C22orf39: variants seen among roughly 807,000 people sequenced by gnomAD.
The protein encoded by C22orf39 is chromosome 22 open reading frame 39.
In C22orf39, 20 loss-of-function variants were observed where a neutral mutation model predicts 18.3. The ratio of observed to expected loss-of-function variants is 1.09; its 90% CI spans 0.77 to 1.59. C22orf39 has a LOEUF of 1.59. C22orf39 is among the 40% of genes most tolerant of loss of function. The pLI, the probability that C22orf39 is intolerant of heterozygous loss-of-function variation, is 0.00. For missense variants in C22orf39, 195 were observed against 156.1 expected (o/e 1.25, Z -1.33); for synonymous variants, 63 against 59.6 (o/e 1.06, Z -0.26).
Position 19,447,521 on chromosome 22 carries a change from G to A in C22orf39, c.49C>T (p.Arg17Cys), listed in dbSNP as rs754962977. 2.0e-6 allele frequency: 3 copies of A among 1,479,108 alleles called. No homozygotes were observed. The African/African-American group carries it at 4.4e-5, about 22-fold the overall frequency. The allele number at this position is 1,479,108 out of a possible 1,614,324, so 91.6% of individuals were successfully genotyped here. Residue 17 changes from arginine (R) to cysteine (C), a missense_variant, in exon 2 of 3, where the codon CGC (arginine) becomes TGC (cysteine). Arg to Cys is a radical substitution (Grantham distance 180, BLOSUM62 -3). Coordinates refer to ENST00000399562, the MANE Select transcript of C22orf39 (RefSeq NM_173793.5). ...CTGCGGCAGAGCTTCCACTCGGCGCGGTAGGCCTCGCAGGGGCGCGGCGGC... is the reference window on the plus strand; with the variant it reads ...CTGCGGCAGAGCTTCCACTCGGCGCAGTAGGCCTCGCAGGGGCGCGGCGGC... ...WQPPRPCEAY[R>C]AEWKLCRSAR...
At position 19,447,654 on chromosome 22, in the gene C22orf39, A is replaced by C. The variant is rs765061360; in HGVS notation, c.24+11T>G. The C allele has an allele frequency of 2.2e-5, 35 of 1,610,242 alleles. No homozygotes were observed. The highest frequency in any genetic ancestry group is 2.7e-5 in the Non-Finnish European group (32 of 1,178,732). ...CCCCGGTGGTTCCCGGCTCCGACCC[A>C]GCACACTCACCTGCCAGCCGCTGCC... On this transcript the variant is annotated intron_variant, in intron 1 of 2. Coordinates refer to ENST00000399562, the MANE Select transcript of C22orf39 (RefSeq NM_173793.5).
chr22:19,447,702 G>C lies in C22orf39; in HGVS notation c.-14C>G, dbSNP rs200643338. ...GCCGTCCGCCATGTCTGGGCGACCG[G>C]CGCGCCAAGCCCGCCCCTCAGTCCG... On this transcript the variant is annotated 5_prime_UTR_variant, in exon 1 of 3. Coordinates refer to ENST00000399562, the MANE Select transcript of C22orf39 (RefSeq NM_173793.5). 2.5e-4 allele frequency: 403 copies of C among 1,606,976 alleles called. 3 individuals are homozygous for C. Among genetic ancestry groups the C allele is most frequent in the Non-Finnish European group, 6.7e-5 (79 of 1,177,504 alleles).
intron 2 of C22orf39, 71 bp downstream of exon 2, chr22:19,447,307 G>A: frequency 1.5e-6 from 2 of 1,368,990 alleles, no homozygotes; most frequent in Non-Finnish European, 1.9e-6. Flanking sequence ...GGGGCATGGG[G>A]CGTGGAGGGG....
At chr22:19,445,568 C>A (rs1254295142) in intron 2 of C22orf39, among the ~76,000 whole-genome samples, 1 of 152,076 alleles carries the variant, frequency 6.6e-6, no homozygotes, top group Non-Finnish European at 1.5e-5. Context: ...CACCTGACAC[C>A]CCCACCAACA....
chr22:19,443,105 C>T lies in C22orf39; in HGVS notation c.*1160G>A. 1 of 541,802 alleles carries T rather than the reference C, an allele frequency of 1.8e-6. No homozygotes were observed. The highest frequency in any genetic ancestry group is 2.4e-6 in the Non-Finnish European group (1 of 424,748). 33.6% of individuals were successfully genotyped at this position (541,802 alleles called of 1,614,324 possible). ...CCCCCACCCCCACCCCCACTGTTCA[C>T]AGACACAGGGGCTCTTAGGGAGCAC... is the stretch of plus-strand genomic sequence containing the variant. On this transcript the variant is annotated 3_prime_UTR_variant, in exon 3 of 3. Coordinates refer to ENST00000399562, the MANE Select transcript of C22orf39 (RefSeq NM_173793.5).
At position 19,441,738 on chromosome 22, in the gene C22orf39, G is replaced by A. The variant is rs1312341280; in HGVS notation, c.*2527C>T. The A allele has an allele frequency of 6.5e-7, 1 of 1,532,256 alleles. No homozygotes were observed. Among genetic ancestry groups the A allele is most frequent in the East Asian group, 2.5e-5 (1 of 39,950 alleles). 94.9% of individuals were successfully genotyped at this position (1,532,256 alleles called of 1,614,324 possible). On this transcript the variant is annotated 3_prime_UTR_variant, in exon 3 of 3. Transcript: ENST00000399562. ...AGATATTGCTCTTATTACAGTATTT[G>A]TTTTCTTCATACCACCACCATAAAA...
In C22orf39 at chr22:19,443,978, C is replaced by A. The variant is rs1422755319; in HGVS notation, c.*287G>T. The A allele has an allele frequency of 7.7e-6, 9 of 1,164,348 alleles. No individual in the cohort carries two copies. The highest frequency in any genetic ancestry group is 8.5e-6 in the Non-Finnish European group (8 of 944,484). The allele number at this position is 1,164,348 out of a possible 1,614,324, so 72.1% of individuals were successfully genotyped here. A position where few individuals can be genotyped will look rare whatever the true frequency, so the allele number is the denominator to read the frequency against. ...CTCAGGACCGCCATCTCCTATGCTA[C>A]CATGCCCAGCCTGACCTGGCTGCTC... is the stretch of plus-strand genomic sequence containing the variant. On this transcript the variant is annotated 3_prime_UTR_variant, in exon 3 of 3. Transcript: ENST00000399562.
At position 19,443,350 on chromosome 22, in the gene C22orf39, A is replaced by G. The variant is rs2089623687; in HGVS notation, c.*915T>C. ...AGAAACCATTCTATTAGTAATAAAC[A>G]GACCTCTTCAAGAAATAGTGTTTTT... On this transcript the variant is annotated 3_prime_UTR_variant, in exon 3 of 3. Transcript: ENST00000399562. 1.0e-6 allele frequency: 1 copy of G among 985,610 alleles called. No individual in the cohort carries two copies. Among genetic ancestry groups the G allele is most frequent in the African/African-American group, 1.7e-5 (1 of 57,368 alleles). The allele number at this position is 985,610 out of a possible 1,614,324, so 61.1% of individuals were successfully genotyped here.
In C22orf39 at chr22:19,443,178, C is replaced by T. The variant is rs990940755; in HGVS notation, c.*1087G>A. On this transcript the variant is annotated 3_prime_UTR_variant, in exon 3 of 3. Coordinates refer to ENST00000399562, the MANE Select transcript of C22orf39 (RefSeq NM_173793.5). ...GGAAATACTGTTCTTTAATGGACAC[C>T]CTTCTAACGTGATAGATTATTCTGC... 1 of 984,824 alleles carries T rather than the reference C, an allele frequency of 1.0e-6. No individual in the cohort carries two copies. The highest frequency in any genetic ancestry group is 1.2e-6 in the Non-Finnish European group (1 of 829,882). 61.0% of individuals were successfully genotyped at this position (984,824 alleles called of 1,614,324 possible). A position where few individuals can be genotyped will look rare whatever the true frequency, so the allele number is the denominator to read the frequency against.
rs1198617183 is a variant in C22orf39 at position 19,444,072 on chromosome 22, G to T, written c.*193C>A. The T allele has an allele frequency of 3.0e-6, 4 of 1,318,200 alleles. No homozygotes were observed. Among genetic ancestry groups the T allele is most frequent in the Non-Finnish European group, 3.8e-6 (4 of 1,040,124 alleles). 81.7% of individuals were successfully genotyped at this position (1,318,200 alleles called of 1,614,324 possible). ...CGGTGCAATTGTCCTGCAGAACATC[G>T]CAGTGTCAGGGTATCCTGCATGCAG... On this transcript the variant is annotated 3_prime_UTR_variant, in exon 3 of 3. Transcript: ENST00000399562.
intron 2 of C22orf39, among the ~76,000 whole-genome samples, chr22:19,446,643 C>T (rs1299652234): frequency 6.6e-6 from 1 of 152,204 alleles, no homozygotes; most frequent in Non-Finnish European, 1.5e-5. Context: ...TTACCGGTCT[C>T]TCTGCTCCTG....
chr22:19,444,228 C>A lies in C22orf39; in HGVS notation c.*37G>T. The A allele has an allele frequency of 6.5e-7, 1 of 1,535,992 alleles. No homozygotes were observed. Among genetic ancestry groups the A allele is most frequent in the Admixed American group, 2.2e-5 (1 of 46,058 alleles). ...CTGTGCAACAGCAACTTGAAACAGACTGAGGAAGCTGCACAGGCCAATGGC... is the reference window on the plus strand; with the variant it reads ...CTGTGCAACAGCAACTTGAAACAGAATGAGGAAGCTGCACAGGCCAATGGC... On this transcript the variant is annotated 3_prime_UTR_variant, in exon 3 of 3. Transcript: ENST00000399562.
chr22:19,444,373 G>A lies in C22orf39; in HGVS notation c.210C>T (p.Ser70=), dbSNP rs748784717. 7.5e-6 allele frequency: 12 copies of A among 1,601,218 alleles called. No homozygotes were observed. Among genetic ancestry groups the A allele is most frequent in the South Asian group, 6.7e-5 (6 of 89,526 alleles). The stretch of plus-strand genomic sequence containing the variant: ...GTGCAGCCCGGACTCGTGCCCGCTC[G>A]CTCTCACAGAGGGATTGCTGTGCAA... ...NAEAQQSLCE[S]ERARVRAARK... Residue 70 remains serine, a synonymous_variant, in exon 3 of 3, where the codon AGC becomes AGT. Transcript: ENST00000399562.
chr22:19,443,096 C>CCCACATCA lies in C22orf39; in HGVS notation c.*1168_*1169insTGATGTGG. ...TGAGCACAACCCCCACCCCCACCCC[C>CCCACATCA]ACTGTTCACAGACACAGGGGCTCTT... On this transcript the variant is annotated 3_prime_UTR_variant, in exon 3 of 3. Coordinates refer to ENST00000399562, the MANE Select transcript of C22orf39 (RefSeq NM_173793.5). 1.2e-6 allele frequency: 1 copy of CCCACATCA among 851,084 alleles called. No individual in the cohort carries two copies. Among genetic ancestry groups the CCCACATCA allele is most frequent in the Non-Finnish European group, 1.4e-6 (1 of 709,394 alleles). 52.7% of individuals were successfully genotyped at this position (851,084 alleles called of 1,614,324 possible).
chr22:19,441,701 A>C lies in C22orf39; in HGVS notation c.*2564T>G. 6.5e-7 allele frequency: 1 copy of C among 1,548,754 alleles called. No individual in the cohort carries two copies. The highest frequency in any genetic ancestry group is 8.7e-7 in the Non-Finnish European group (1 of 1,145,564). ...GAGCCACCACACTTAGCACCTGTCC[A>C]AAAAGTTTGAAAGATATTGCTCTTA... is the stretch of plus-strand genomic sequence containing the variant. On this transcript the variant is annotated 3_prime_UTR_variant, in exon 3 of 3. Coordinates refer to ENST00000399562, the MANE Select transcript of C22orf39 (RefSeq NM_173793.5).
chr22:19,445,192 A>G (rs1029376044), intron 2 of C22orf39, among the ~76,000 whole-genome samples: 32 of 152,194 alleles, frequency 2.1e-4, no homozygotes, highest in African/African-American at 7.7e-4. Context: ...AGCTTCCCTG[A>G]TATCTTTTTT....
chr22:19,446,368 C>A (rs2089639535), intron 2 of C22orf39, among the ~76,000 whole-genome samples: 1 of 152,202 alleles, frequency 6.6e-6, no homozygotes, highest in African/African-American at 2.4e-5. Context: ...CAGTTCATCT[C>A]TTTCAGATCA....
rs1392006746 is a variant in C22orf39, at chr22:19,441,810, T to C, written c.*2455A>G. On this transcript the variant is annotated 3_prime_UTR_variant, in exon 3 of 3. Transcript: ENST00000399562. ...ACCACCATTTTATTTTTATTTATTT[T>C]GAGACAGGATATTGCTCTGTCACCC... The C allele has an allele frequency of 1.5e-6, 2 of 1,364,948 alleles. No homozygotes were observed. The highest frequency in any genetic ancestry group is 9.8e-7 in the Non-Finnish European group (1 of 1,019,556). The allele number at this position is 1,364,948 out of a possible 1,614,324, so 84.6% of individuals were successfully genotyped here.
intron 2 of C22orf39, among the ~76,000 whole-genome samples, chr22:19,445,744 G>A (rs191867001): frequency 9.0e-4 from 137 of 151,900 alleles, no homozygotes; most frequent in African/African-American, 3.1e-3. Context: ...ACACGATCTC[G>A]GCTCATTGCA....
Sources: gnomAD v4.1 joint callset for allele counts (sites outside exome capture counted in the v4.1 genomes callset) on GRCh38, gnomAD v4.1.1 for gene constraint, MANE v1.5 for transcripts, NCBI Gene and HGNC (gene_info 2026-07-23, HGNC 2026-07-21) for gene names.